Variants in PACRG observed in about 807,000 individuals in gnomAD.
The protein encoded by PACRG is parkin coregulated gene protein.
In PACRG, 29 loss-of-function variants were observed where a neutral mutation model predicts 29.7. The observed-to-expected ratio is 0.98, with a 90% CI of 0.73 to 1.33. The LOEUF (loss-of-function observed/expected upper bound fraction) is 1.33, where lower values mean the gene tolerates loss of function less well. Among genes scored for constraint, PACRG ranks in the 40% most tolerant of loss-of-function variants. The pLI, the probability that PACRG is intolerant of heterozygous loss-of-function variation, is 0.00. For synonymous variants in PACRG, 116 were observed against 118.7 expected (o/e 0.98, Z 0.15); for missense variants, 279 against 316.2 (o/e 0.88, Z 0.89).
chr6:163,148,239 G>A (rs1243949518), intron 4 of PACRG, among the ~76,000 whole-genome samples: 1 of 152,222 alleles, frequency 6.6e-6, no homozygotes, highest in African/African-American at 2.4e-5. Context: ...TTCAAGGGGA[G>A]TTTTCACGTC....
At chr6:162,834,510 C>G (rs1023107240) in intron 2 of PACRG, among the ~76,000 whole-genome samples, 1 of 151,926 alleles carries the variant, frequency 6.6e-6, no homozygotes. Flanking sequence ...CCAATGGGCA[C>G]ATGTACGTGT....
At position 163,226,751 on chromosome 6, in the gene PACRG, A is replaced by C. The variant is rs112452065; in HGVS notation, c.614-88076A>C. ...GCTCACATCCCAGTGCCTGGGGAGA[A>C]CCTGTTCTCTAGGAGGGTTGGGGCA... On this transcript the variant is annotated intron_variant, in intron 4 of 4. Coordinates refer to ENST00000366888, the MANE Select transcript of PACRG (RefSeq NM_001080379.2). Among the ~76,000 whole-genome samples, 419 of 152,296 alleles carry C rather than the reference A, an allele frequency of 2.8e-3. 3 individuals carry two copies. The highest frequency in any genetic ancestry group is 9.9e-3 in the African/African-American group (410 of 41,578).
At chr6:162,817,169 T>A (rs1197592357) in intron 2 of PACRG, among the ~76,000 whole-genome samples, 2 of 152,170 alleles carry the variant, frequency 1.3e-5, no homozygotes, top group Non-Finnish European at 2.9e-5. Context: ...CCCCAGCCTC[T>A]CACGGTCATT....
At chr6:163,163,248 G>GTT (rs112674550) in intron 4 of PACRG, among the ~76,000 whole-genome samples, 4 of 151,780 alleles carry the variant, frequency 2.6e-5, no homozygotes, top group African/African-American at 2.4e-5. Context: ...GCTCCACATG[G>GTT]TTTTTTTTGT....
intron 2 of PACRG, among the ~76,000 whole-genome samples, chr6:163,043,668 A>G (rs990545543): frequency 5.9e-5 from 9 of 152,210 alleles, no homozygotes; most frequent in African/African-American, 2.2e-4. Flanking sequence ...AAGGAATTAT[A>G]TGTGAAGAAA....
chr6:162,763,502 T>C (rs1782541664), intron 1 of PACRG, among the ~76,000 whole-genome samples: 1 of 152,260 alleles, frequency 6.6e-6, no homozygotes, highest in African/African-American at 2.4e-5. Flanking sequence ...GACTATTTCC[T>C]ATCATAAAGT....
upstream of PACRG, chr6:162,727,617 C>A (rs751833256): frequency 6.4e-7 from 1 of 1,564,550 alleles, no homozygotes; most frequent in Non-Finnish European, 8.7e-7. Flanking sequence ...CATACCGGGG[C>A]GTGGGGCGGC....
At chr6:162,788,329 T>C (rs1449316649) in intron 1 of PACRG, among the ~76,000 whole-genome samples, 1 of 152,238 alleles carries the variant, frequency 6.6e-6, no homozygotes, top group African/African-American at 2.4e-5. Context: ...CCATGTCTTT[T>C]CATGGCTTGA....
intron 1 of PACRG, among the ~76,000 whole-genome samples, chr6:162,768,730 T>TGG (rs67526393): frequency 6.6e-6 from 1 of 151,970 alleles, no homozygotes; most frequent in Non-Finnish European, 1.5e-5. Context: ...TACTAATATA[T>TGG]GGGGGGTGTT....
intron 4 of PACRG, among the ~76,000 whole-genome samples, chr6:163,196,298 G>A (rs141442183): frequency 1.8e-4 from 27 of 152,266 alleles, no homozygotes; most frequent in South Asian, 1.7e-3. Flanking sequence ...TGACACCGTC[G>A]TCCCTCCCCT....
At chr6:162,815,184 G>A (rs1336673770) in intron 2 of PACRG, among the ~76,000 whole-genome samples, 1 of 152,060 alleles carries the variant, frequency 6.6e-6, no homozygotes, top group Non-Finnish European at 1.5e-5. Flanking sequence ...AAAGGTTTTG[G>A]CCAACTATTA....
chr6:162,957,422 A>G, intron 2 of PACRG: 1 of 540,590 alleles, frequency 1.8e-6, no homozygotes, highest in Admixed American at 2.3e-5. Context: ...CGGACCCCTC[A>G]AAGTCTGCCT....
intron 4 of PACRG, among the ~76,000 whole-genome samples, chr6:163,228,667 A>G (rs999895639): frequency 1.3e-5 from 2 of 152,250 alleles, no homozygotes; most frequent in African/African-American, 2.4e-5. Context: ...GTGAACGATC[A>G]TGATTATTTT....
intron 1 of PACRG, among the ~76,000 whole-genome samples, chr6:162,794,114 A>G (rs751827403): frequency 4.9e-4 from 75 of 152,184 alleles, no homozygotes; most frequent in Non-Finnish European, 7.8e-4. Context: ...CCATCCCTCC[A>G]TATCCTCACC....
upstream of PACRG, chr6:162,727,303 G>C (rs936951525): frequency 4.9e-5 from 17 of 347,992 alleles, no homozygotes; most frequent in South Asian, 6.5e-4. Flanking sequence ...GTGAGGGGCG[G>C]CGGCGGGGCG....
chr6:163,311,360 C>G (rs1323557328), intron 4 of PACRG, among the ~76,000 whole-genome samples: 1 of 152,200 alleles, frequency 6.6e-6, no homozygotes, highest in Admixed American at 6.5e-5. Flanking sequence ...TCCTTGCTTT[C>G]TAAATTGAAG....
chr6:162,904,071 G>T (rs993491369), intron 2 of PACRG, among the ~76,000 whole-genome samples: 2 of 152,308 alleles, frequency 1.3e-5, no homozygotes, highest in Admixed American at 6.5e-5. Context: ...ACTCAGGCAA[G>T]GGTTCTATGT....
intron 2 of PACRG, among the ~76,000 whole-genome samples, chr6:162,918,055 G>C (rs950726934): frequency 6.6e-6 from 1 of 152,068 alleles, no homozygotes; most frequent in Non-Finnish European, 1.5e-5. Flanking sequence ...CATTTTGTTA[G>C]TAGATTCTAT....
At chr6:163,210,505 C>G (rs1301646536) in intron 4 of PACRG, among the ~76,000 whole-genome samples, 1 of 152,192 alleles carries the variant, frequency 6.6e-6, no homozygotes, top group South Asian at 2.1e-4. Context: ...GGTGGAGCTT[C>G]CAAGCGGATG....
Sources: allele counts gnomAD v4.1 joint callset (sites outside exome capture counted in the v4.1 genomes callset), GRCh38; gene constraint gnomAD v4.1.1; transcripts MANE v1.5; gene names NCBI Gene and HGNC (gene_info 2026-07-23, HGNC 2026-07-21).